TFG: variants seen among roughly 807,000 people sequenced by gnomAD.
TFG encodes the protein protein TFG.
Under a neutral mutation model 51.4 loss-of-function variants are expected in TFG, and 22 were observed. That is an observed-to-expected ratio of 0.43 (90% confidence interval 0.31 to 0.61). TFG has a LOEUF of 0.61. Among genes scored for constraint, TFG ranks in the 20% least tolerant of loss-of-function variants. The pLI is 0.12. For synonymous variants in TFG, 187 were observed against 165.6 expected (o/e 1.13, Z -0.99); for missense variants, 419 against 487.7 (o/e 0.86, Z 1.33).
chr3:100,715,836 C>T (rs1021043740), intron 2 of TFG, among the ~76,000 whole-genome samples: 14 of 151,966 alleles, frequency 9.2e-5, no homozygotes, highest in African/African-American at 3.4e-4. Flanking sequence ...TACTGCCAAC[C>T]CGGCCTCCCA....
chr3:100,736,694 G>A lies in TFG; in HGVS notation c.699G>A (p.Gln233=). Residue 233 remains glutamine (Q), a synonymous_variant, in exon 6 of 8, where the codon CAG becomes CAA. Transcript: ENST00000240851. ...QPQQPPYTGA[Q]TQAGQIEGQM... ...AGCAGCCACCATATACAGGAGCTCA[G>A]ACTCAAGCAGGTCAGATTGAAGGTA... is the stretch of plus-strand genomic sequence containing the variant. 6.2e-7 allele frequency: 1 copy of A among 1,613,914 alleles called. No homozygotes were observed. The highest frequency in any genetic ancestry group is 1.3e-5 in the African/African-American group (1 of 75,016).
chr3:100,727,021 GGTT>G (rs1466627801), intron 3 of TFG, among the ~76,000 whole-genome samples: 1 of 152,174 alleles, frequency 6.6e-6, no homozygotes, highest in African/African-American at 2.4e-5. Flanking sequence ...CAGGATAAAA[GGTT>G]GTTTGGTCAT....
At chr3:100,722,577 A>G (rs1252167030) in intron 3 of TFG, among the ~76,000 whole-genome samples, 2 of 152,226 alleles carry the variant, frequency 1.3e-5, no homozygotes, top group African/African-American at 4.8e-5. Context: ...CACTGGACAT[A>G]TTGTCATGAA....
chr3:100,732,728 C>G lies in TFG; in HGVS notation c.580+56C>G. 8 of 1,386,276 alleles carry G rather than the reference C, an allele frequency of 5.8e-6. No homozygotes were observed. In the South Asian group the frequency reaches 1.1e-4, roughly 20 times the overall value. The allele number at this position is 1,386,276 out of a possible 1,614,324, so 85.9% of individuals were successfully genotyped here. A position where few individuals can be genotyped will look rare whatever the true frequency, so the allele number is the denominator to read the frequency against. On this transcript the variant is annotated intron_variant, in intron 5 of 7. Coordinates refer to ENST00000240851, the MANE Select transcript of TFG (RefSeq NM_006070.6). ...TCGTTTCCTTCATCTTTCCGTTCTT[C>G]CCTTTCCTTCTTTCTTTAATTGAAG... is the stretch of plus-strand genomic sequence containing the variant.
In TFG at chr3:100,713,837, A is replaced by G; in HGVS notation, c.152A>G (p.Asn51Ser). 1 of 1,574,628 alleles carries G rather than the reference A, an allele frequency of 6.4e-7. No homozygotes were observed. The highest frequency in any genetic ancestry group is 8.7e-7 in the Non-Finnish European group (1 of 1,153,358). The change falls in exon 2 of 8, where the codon AAT becomes AGT. Residue 51 changes from asparagine to serine, a missense_variant. By Grantham distance (46) the Asn-to-Ser change is conservative. This residue lies in a region of TFG where 391 missense variants were observed against 434.4 expected (regional missense o/e 0.90). Coordinates refer to ENST00000240851, the MANE Select transcript of TFG (RefSeq NM_006070.6). ...GTTTTCAGAGGAAAACTTCTGAGTA[A>G]TGATGAAGTAACAATAAAGTATAAA... ...QRVFRGKLLS[N>S]DEVTIKYKDE... is the part of the protein sequence containing the mutation.
At chr3:100,720,609 G>T (rs1235890464) in intron 3 of TFG, among the ~76,000 whole-genome samples, 1 of 152,246 alleles carries the variant, frequency 6.6e-6, no homozygotes, top group African/African-American at 2.4e-5. Flanking sequence ...ACTGACAGGA[G>T]GCGGAGCCCA....
chr3:100,729,369 G>T (rs1334575293), intron 4 of TFG, among the ~76,000 whole-genome samples: 3 of 152,090 alleles, frequency 2.0e-5, no homozygotes, highest in African/African-American at 7.2e-5. Context: ...AATAATTAAA[G>T]AAAAACTAAT....
intron 7 of TFG, among the ~76,000 whole-genome samples, chr3:100,747,735 A>G (rs2095144813): frequency 6.6e-6 from 1 of 152,200 alleles, no homozygotes; most frequent in African/African-American, 2.4e-5. Flanking sequence ...AGATGTATTT[A>G]TAGTATTATT....
At chr3:100,728,322 A>G (rs1416635731) in intron 3 of TFG, among the ~76,000 whole-genome samples, 1 of 150,720 alleles carries the variant, frequency 6.6e-6, no homozygotes, top group Non-Finnish European at 1.5e-5. Context: ...TTTAAGTTAT[A>G]TAATTTTTAT....
chr3:100,744,778 C>T lies in TFG; in HGVS notation c.722-55C>T. On this transcript the variant is annotated intron_variant, in intron 6 of 7. Coordinates refer to ENST00000240851, the MANE Select transcript of TFG (RefSeq NM_006070.6). The stretch of plus-strand genomic sequence containing the variant: ...GTATATGTATCTTAAAAATATTTCT[C>T]TTTGCCACATTAAACATGCCTTTTT... 3.4e-6 allele frequency: 4 copies of T among 1,170,910 alleles called. No individual in the cohort carries two copies. In the South Asian group the frequency reaches 5.1e-5, roughly 15 times the overall value. The allele number at this position is 1,170,910 out of a possible 1,614,324, so 72.5% of individuals were successfully genotyped here.
At chr3:100,720,580 A>T (rs1247931925) in intron 3 of TFG, among the ~76,000 whole-genome samples, 4 of 152,218 alleles carry the variant, frequency 2.6e-5, no homozygotes, top group African/African-American at 9.6e-5. Context: ...CTCCTATGTG[A>T]ATCTAATGCC....
intron 6 of TFG, among the ~76,000 whole-genome samples, chr3:100,738,052 A>G (rs2095111364): frequency 6.7e-6 from 1 of 149,132 alleles, no homozygotes; most frequent in African/African-American, 2.5e-5. Flanking sequence ...CCTGGGCAAC[A>G]GAACGAGACC....
chr3:100,723,415 A>G, intron 3 of TFG, among the ~76,000 whole-genome samples: 1 of 152,132 alleles, frequency 6.6e-6, no homozygotes, highest in East Asian at 1.9e-4. Context: ...ACAGAATACT[A>G]ATCACAGTAC....
intron 2 of TFG, among the ~76,000 whole-genome samples, chr3:100,717,935 T>G (rs2095050740): frequency 6.6e-6 from 1 of 152,180 alleles, no homozygotes; most frequent in African/African-American, 2.4e-5. Context: ...TTTTTATTTT[T>G]TTGTCTTGAG....
At chr3:100,744,049 C>G (rs1433963659) in intron 6 of TFG, 1 of 151,682 alleles carries the variant, frequency 6.6e-6, no homozygotes, top group East Asian at 1.9e-4. Context: ...GCTTGAAAAT[C>G]ACAGGTATGG....
intron 4 of TFG, among the ~76,000 whole-genome samples, chr3:100,729,406 A>G (rs2095085192): frequency 6.6e-6 from 1 of 152,162 alleles, no homozygotes; most frequent in South Asian, 2.1e-4. Context: ...AATGACATGT[A>G]CTGTTTGTGT....
chr3:100,723,837 T>C (rs2149071678), intron 3 of TFG, among the ~76,000 whole-genome samples: 1 of 152,158 alleles, frequency 6.6e-6, no homozygotes, highest in South Asian at 2.1e-4. Flanking sequence ...TACAGTTTTT[T>C]TTTTTTTCGA....
intron 2 of TFG, 38 bp downstream of exon 2, chr3:100,713,907 T>TAAAAAA: frequency 2.2e-6 from 2 of 898,908 alleles, no homozygotes; most frequent in Non-Finnish European, 3.1e-6. Flanking sequence ...AAAGTCTTTT[T>TAAAAAA]AAAAAAAAAA....
chr3:100,741,871 G>T (rs1389377594), intron 6 of TFG, among the ~76,000 whole-genome samples: 3 of 152,078 alleles, frequency 2.0e-5, no homozygotes, highest in African/African-American at 7.2e-5. Flanking sequence ...TGCTCTACAG[G>T]TTTGTAGACT....
Sources: allele counts gnomAD v4.1 joint callset (sites outside exome capture counted in the v4.1 genomes callset), GRCh38; gene constraint gnomAD v4.1.1; regional missense constraint gnomAD v4.1.1; transcripts MANE v1.5; gene names NCBI Gene and HGNC (gene_info 2026-07-23, HGNC 2026-07-21).